The following TTC7A variants were observed in gnomAD, a reference collection of about 807,000 sequenced individuals.
TTC7A encodes tetratricopeptide repeat domain 7A.
A neutral mutation model predicts 103.7 loss-of-function variants in TTC7A; 110 were observed. The ratio of observed to expected loss-of-function variants is 1.06; its 90% CI spans 0.91 to 1.24. The LOEUF is 1.24. Among genes scored for constraint, TTC7A ranks in the 50% most tolerant of loss-of-function variants. TTC7A has a pLI of 0.00. For missense variants in TTC7A, 1,340 were observed against 1,116.3 expected (o/e 1.20, Z -2.86); for synonymous variants, 521 against 467.9 (o/e 1.11, Z -1.47).
intron 5 of TTC7A, among the ~76,000 whole-genome samples, chr2:46,983,385 G>A (rs1053668046): frequency 2.0e-5 from 3 of 152,234 alleles, no homozygotes; most frequent in Non-Finnish European, 4.4e-5. Context: ...ACGGTGGCCT[G>A]GAGGGCTGGT....
intron 19 of TTC7A, among the ~76,000 whole-genome samples, chr2:47,073,337 G>A (rs1008995797): frequency 2.6e-5 from 4 of 151,788 alleles, no homozygotes; most frequent in Non-Finnish European, 5.9e-5. Context: ...CGAGAGAGAT[G>A]CTGTGATTTT....
chr2:47,011,738 G>T (rs889274312), intron 11 of TTC7A, among the ~76,000 whole-genome samples: 22 of 152,242 alleles, frequency 1.4e-4, no homozygotes, highest in African/African-American at 5.1e-4. Context: ...TAGTAGGTAA[G>T]ACCTTGAGTC....
At chr2:47,057,355 C>T (rs537259788) in intron 18 of TTC7A, among the ~76,000 whole-genome samples, 9 of 152,304 alleles carry the variant, frequency 5.9e-5, no homozygotes, top group East Asian at 5.8e-4. Flanking sequence ...GCAGCCCTAA[C>T]GGTTCTTCAG....
intron 11 of TTC7A, among the ~76,000 whole-genome samples, chr2:47,016,824 A>T (rs1409891980): frequency 6.6e-6 from 1 of 152,196 alleles, no homozygotes; most frequent in Non-Finnish European, 1.5e-5. Context: ...GCGCTGGGCC[A>T]GTCTGCAGCC....
chr2:46,999,214 TC>T (rs1409060198), intron 8 of TTC7A, among the ~76,000 whole-genome samples: 1 of 151,976 alleles, frequency 6.6e-6, no homozygotes, highest in Non-Finnish European at 1.5e-5. Context: ...CATTCATTCA[TC>T]CGTCTACCCA....
At chr2:47,072,002 T>A (rs1005658144) in intron 19 of TTC7A, among the ~76,000 whole-genome samples, 1 of 152,172 alleles carries the variant, frequency 6.6e-6, no homozygotes, top group African/African-American at 2.4e-5. Context: ...ACCCTCCATT[T>A]TTGGTGCTTA....
In TTC7A at chr2:46,917,149, C is replaced by A. The variant is rs1386009119; in HGVS notation, c.-12-35C>A. The A allele has an allele frequency of 1.1e-5, 8 of 700,610 alleles. No homozygotes were observed. The East Asian group carries it at 1.6e-4, about 14-fold the overall frequency. The allele number at this position is 700,610 out of a possible 1,614,324, so 43.4% of individuals were successfully genotyped here. On this transcript the variant is annotated intron_variant, in intron 1 of 20. Coordinates refer to the TTC7A transcript ENST00000409245. Reference sequence around the variant, plus strand: ...CTGCCACCCCATCCCAGAGAAAAATCCCATAATCCCTAATTTTTTTTTCTT... The same window carrying A: ...CTGCCACCCCATCCCAGAGAAAAATACCATAATCCCTAATTTTTTTTTCTT...
At chr2:46,977,753 G>C (rs1355121990) in intron 4 of TTC7A, among the ~76,000 whole-genome samples, 5 of 152,188 alleles carry the variant, frequency 3.3e-5, no homozygotes, top group African/African-American at 1.2e-4. Flanking sequence ...TTGATGGATT[G>C]ATTGGGACAG....
At chr2:47,041,447 G>A (rs1681739378) in intron 15 of TTC7A, among the ~76,000 whole-genome samples, 1 of 152,272 alleles carries the variant, frequency 6.6e-6, no homozygotes, top group African/African-American at 2.4e-5. Flanking sequence ...ATTCTAGAAT[G>A]TCTGACATTA....
chr2:46,950,558 C>T, intron 2 of TTC7A, 32 bp downstream of exon 2: 1 of 1,609,622 alleles, frequency 6.2e-7, no homozygotes, highest in South Asian at 1.1e-5. Context: ...CTGAGACCTC[C>T]TCTCCTCGTC....
intron 19 of TTC7A, among the ~76,000 whole-genome samples, chr2:47,069,595 T>C (rs1684488572): frequency 6.6e-6 from 1 of 152,184 alleles, no homozygotes; most frequent in Non-Finnish European, 1.5e-5. Context: ...GCTTTGGAGC[T>C]GCCCTGGCTC....
intron 2 of TTC7A, among the ~76,000 whole-genome samples, chr2:46,923,736 CT>C (rs113000969): frequency 1.3e-3 from 183 of 145,462 alleles, no homozygotes; most frequent in African/African-American, 2.1e-3. Flanking sequence ...TATAGAAAAA[CT>C]TTTTTTTTTT....
chr2:46,982,266 T>TG (rs1674546185), intron 5 of TTC7A, among the ~76,000 whole-genome samples: 1 of 151,990 alleles, frequency 6.6e-6, no homozygotes, highest in Admixed American at 6.6e-5. Context: ...CTCAGCTACT[T>TG]GGGAGGCTGA....
intron 5 of TTC7A, among the ~76,000 whole-genome samples, chr2:46,986,468 G>C (rs918390544): frequency 2.0e-5 from 3 of 152,086 alleles, no homozygotes; most frequent in Admixed American, 1.3e-4. Flanking sequence ...GACCGTCCCA[G>C]AGGGGAGCCT....
chr2:47,034,484 C>T (rs549552409), intron 15 of TTC7A: 1 of 152,364 alleles, frequency 6.6e-6, no homozygotes, highest in Non-Finnish European at 1.5e-5. Flanking sequence ...TTCCTGAAGC[C>T]ATGGGCTCTG....
intron 5 of TTC7A, among the ~76,000 whole-genome samples, chr2:46,979,369 T>G (rs1674206850): frequency 6.6e-6 from 1 of 151,420 alleles, no homozygotes; most frequent in African/African-American, 2.4e-5. Flanking sequence ...TTTTAAGGAG[T>G]GGTGAAGGAC....
chr2:46,927,990 C>T (rs141547102), intron 2 of TTC7A, among the ~76,000 whole-genome samples: 6,114 of 142,750 alleles, frequency 0.043, 161 homozygotes, highest in Middle Eastern at 0.098. Flanking sequence ...ACTTCCTGGG[C>T]TCAAGTGATC....
intron 2 of TTC7A, among the ~76,000 whole-genome samples, chr2:46,926,182 G>C: frequency 6.6e-6 from 1 of 152,320 alleles, no homozygotes; most frequent in African/African-American, 2.4e-5. Context: ...GTTGTGAGTC[G>C]TGAAGACTTT....
Position 46,950,468 on chromosome 2 carries a change from C to T in TTC7A, c.290C>T (p.Pro97Leu), listed in dbSNP as rs145350780. The change falls in exon 2 of 20, where the codon CCG becomes CTG. Residue 97 changes from proline (P) to leucine (L), a missense_variant. Pro to Leu is a moderately conservative substitution (Grantham distance 98). Coordinates refer to ENST00000319190, the MANE Select transcript of TTC7A (RefSeq NM_020458.4). ...ATGCCTTTGCTGGAGAAGAATGAGC[C>T]GAAGATGAGCGAAGCCAAAAATTAT... ...DSMPLLEKNEPKMSEAKNYLS... is the reference protein window; with the variant it reads ...DSMPLLEKNELKMSEAKNYLS... The T allele has an allele frequency of 1.5e-5, 25 of 1,614,028 alleles. No homozygotes were observed. The African/African-American group carries it at 2.4e-4, about 15-fold the overall frequency.
Sources: gnomAD v4.1 joint callset for allele counts (sites outside exome capture counted in the v4.1 genomes callset) on GRCh38, gnomAD v4.1.1 for gene constraint, MANE v1.5 for transcripts, NCBI Gene and HGNC (gene_info 2026-07-23, HGNC 2026-07-21) for gene names.